MYOF: variants seen among roughly 807,000 people sequenced by gnomAD.
MYOF encodes fer-1-like 3, myoferlin.
Under a neutral mutation model 284.2 loss-of-function variants are expected in MYOF, and 244 were observed. The ratio of observed to expected loss-of-function variants is 0.86; its 90% confidence interval spans 0.77 to 0.95. MYOF has a LOEUF of 0.95. Among genes scored for constraint, MYOF ranks in the 40% least tolerant of loss-of-function variants. MYOF has a pLI of 0.00. For missense variants in MYOF, 2,496 were observed against 2,560.6 expected (o/e 0.97, Z 0.54); for synonymous variants, 904 against 919.7 (o/e 0.98, Z 0.31).
intron 41 of MYOF, among the ~76,000 whole-genome samples, chr10:93,335,160 T>C (rs1843536425): frequency 6.6e-6 from 1 of 151,864 alleles, no homozygotes; most frequent in Non-Finnish European, 1.5e-5. Context: ...AAAGAATGAG[T>C]AGGACTTCGT....
chr10:93,349,864 T>A lies in MYOF; in HGVS notation c.4027A>T (p.Ile1343Phe), dbSNP rs201952657. The stretch of plus-strand genomic sequence containing the variant: ...TTGGGTGTCTTCTTAAGGTTTTTGA[T>A]CACCACCGATTCCACCCTTTCTCCT... ...CGGERVESVV[I>F]KNLKKTPNFP... Residue 1343 changes from isoleucine to phenylalanine, a missense_variant, in exon 36 of 54, where the codon ATC becomes TTC. This residue lies in a region of MYOF where 2,436 missense variants were observed against 2,480.7 expected (regional missense o/e 0.98). Coordinates refer to ENST00000359263, the MANE Select transcript of MYOF (RefSeq NM_013451.4). The A allele has an allele frequency of 2.2e-5, 36 of 1,613,898 alleles. No individual in the cohort carries two copies. In the African/African-American group the frequency reaches 4.7e-4, roughly 21 times the overall value.
chr10:93,362,039 C>T (rs771751060), intron 27 of MYOF, among the ~76,000 whole-genome samples: 15 of 151,790 alleles, frequency 9.9e-5, no homozygotes, highest in Non-Finnish European at 1.8e-4. Flanking sequence ...ACCTCTGCCT[C>T]CTGGGTTCAA....
Position 93,432,715 on chromosome 10 carries a change from T to C in MYOF, c.237-1199A>G, listed in dbSNP as rs141179834. On this transcript the variant is annotated intron_variant, in intron 3 of 53. Transcript: ENST00000359263. ...TATCAGCCTCTGCCACTTACCCATC[T>C]ATCTCCTATCATACCTAACATATTG... 3.3e-5 allele frequency among the ~76,000 whole-genome samples: 5 copies of C among 152,288 alleles called. No individual in the cohort carries two copies. The East Asian group carries it at 9.7e-4, about 29-fold the overall frequency.
chr10:93,359,920 T>C lies in MYOF; in HGVS notation c.3033A>G (p.Ala1011=). ...PDHKPKSWVA[A]EKMYHTHRRR... is the part of the protein sequence containing the mutation. ...GTCTATGAGTGTGGTACATTTTCTC[T>C]GCTGCAACCCAGGATTTGGGCTTAT... Residue 1011 remains alanine, a synonymous_variant, in exon 29 of 54, where the codon GCA becomes GCG. Coordinates refer to ENST00000359263, the MANE Select transcript of MYOF (RefSeq NM_013451.4). 6.2e-7 allele frequency: 1 copy of C among 1,614,210 alleles called. No individual in the cohort carries two copies. Among genetic ancestry groups the C allele is most frequent in the Non-Finnish European group, 8.5e-7 (1 of 1,180,042 alleles).
chr10:93,328,458 T>C (rs893747478), intron 45 of MYOF, among the ~76,000 whole-genome samples: 1 of 152,214 alleles, frequency 6.6e-6, no homozygotes, highest in African/African-American at 2.4e-5. Context: ...ATTCCTGCAC[T>C]ACTGTATGGG....
At chr10:93,369,816 C>T (rs1257651746) in intron 24 of MYOF, 40 bp from the exon 25 acceptor site, 2 of 1,609,650 alleles carry the variant, frequency 1.2e-6, no homozygotes, top group South Asian at 1.1e-5. Context: ...ACATTAGGCA[C>T]AGCAAAGACT....
At chr10:93,347,370 G>C (rs1012524955) in intron 37 of MYOF, among the ~76,000 whole-genome samples, 1 of 150,386 alleles carries the variant, frequency 6.6e-6, no homozygotes, top group African/African-American at 2.5e-5. Flanking sequence ...GGCTAACAAG[G>C]TGAAACCCCG....
At chr10:93,444,404 T>C (rs1207864415) in intron 3 of MYOF, among the ~76,000 whole-genome samples, 1 of 152,196 alleles carries the variant, frequency 6.6e-6, no homozygotes, top group African/African-American at 2.4e-5. Context: ...TTTCAGATGG[T>C]GGTGAATGCT....
intron 37 of MYOF, 44 bp from the exon 38 acceptor site, chr10:93,343,976 A>G (rs1844053037): frequency 6.2e-7 from 1 of 1,604,444 alleles, no homozygotes; most frequent in Non-Finnish European, 8.5e-7. Context: ...TTAGAGAAAT[A>G]CAGTGGTGAA....
intron 28 of MYOF, 55 bp downstream of exon 28, chr10:93,361,397 G>C (rs576673288): frequency 6.4e-7 from 1 of 1,560,570 alleles, no homozygotes; most frequent in Non-Finnish European, 8.8e-7. Context: ...CTTTATCCTG[G>C]TTAACCAAGG....
chr10:93,394,448 CTTTTTTTTTTTTTTTT>C (rs33970988), intron 16 of MYOF, among the ~76,000 whole-genome samples: 1 of 28,682 alleles, frequency 3.5e-5, no homozygotes, highest in Non-Finnish European at 6.5e-5. Context: ...ACCATCTTGT[CTTTTTTTTTTTTTTTT>C]TTTTTTTTTT....
chr10:93,474,060 G>T (rs1180405122), intron 1 of MYOF, among the ~76,000 whole-genome samples: 2 of 152,146 alleles, frequency 1.3e-5, no homozygotes, highest in Non-Finnish European at 2.9e-5. Context: ...ACAGTACAGT[G>T]TGAGGAAGGA....
Position 93,325,825 on chromosome 10 carries a change from C to T in MYOF, c.5271+1G>A, listed in dbSNP as rs768267243. Reference sequence around the variant, plus strand: ...TCTTCAAGGGAGGGAAGGCCCTTTACCTGGGAAATGTTGGGCTGGAAGGTG... The same window carrying T: ...TCTTCAAGGGAGGGAAGGCCCTTTATCTGGGAAATGTTGGGCTGGAAGGTG... On this transcript the variant is annotated splice_donor_variant, in intron 46 of 53. Coordinates refer to ENST00000359263, the MANE Select transcript of MYOF (RefSeq NM_013451.4). LOFTEE classifies it high-confidence loss of function. 7 of 1,611,324 alleles carry T rather than the reference C, an allele frequency of 4.3e-6. No homozygotes were observed. The African/African-American group carries it at 6.7e-5, about 15-fold the overall frequency.
At chr10:93,374,994 G>T (rs1330376216) in intron 22 of MYOF, 39 bp from the exon 23 acceptor site, 2 of 1,579,766 alleles carry the variant, frequency 1.3e-6, no homozygotes, top group African/African-American at 2.7e-5. Context: ...AGGATTTGAA[G>T]AATAACCTAA....
At position 93,369,794 on chromosome 10, in the gene MYOF, G is replaced by A; in HGVS notation, c.2458-18C>T. The A allele has an allele frequency of 6.2e-7, 1 of 1,613,996 alleles. No individual in the cohort carries two copies. The highest frequency in any genetic ancestry group is 8.5e-7 in the Non-Finnish European group (1 of 1,179,962). On this transcript the variant is annotated intron_variant, in intron 24 of 53. Coordinates refer to ENST00000359263, the MANE Select transcript of MYOF (RefSeq NM_013451.4). The stretch of plus-strand genomic sequence containing the variant: ...TGTGGATACTGTGAGATGAACAATA[G>A]CATGTGATGTTACATTAGGCACAGC...
chr10:93,411,350 T>C (rs1847891971), intron 5 of MYOF, among the ~76,000 whole-genome samples: 2 of 152,216 alleles, frequency 1.3e-5, no homozygotes, highest in South Asian at 4.1e-4. Context: ...CCTCCCATGA[T>C]GGAAGAAGCA....
intron 1 of MYOF, chr10:93,478,276 T>C (rs943099239): frequency 7.7e-6 from 2 of 260,664 alleles, no homozygotes; most frequent in African/African-American, 2.3e-5. Context: ...TAGATTCAGC[T>C]TCACAGCCTG....
intron 44 of MYOF, among the ~76,000 whole-genome samples, chr10:93,329,165 G>A (rs1843188758): frequency 6.6e-6 from 1 of 152,216 alleles, no homozygotes; most frequent in South Asian, 2.1e-4. Context: ...TAAAAGTGAG[G>A]AGTTGAGATC....
chr10:93,373,058 T>C lies in MYOF; in HGVS notation c.2329A>G (p.Ile777Val). 1 of 1,614,164 alleles carries C rather than the reference T, an allele frequency of 6.2e-7. No individual in the cohort carries two copies. ...EPQNSMPDII[I>V]WMIRGEKRLA... The stretch of plus-strand genomic sequence containing the variant: ...CTCTTCTCTCCCCGGATCATCCAGA[T>C]GATGATGTCAGGCATGCTGTTCTGT... Residue 777 changes from isoleucine to valine, a missense_variant, in exon 24 of 54, where the codon ATC (isoleucine) becomes GTC (valine). Ile to Val is a conservative substitution (Grantham distance 29). This residue lies in a region of MYOF where 2,436 missense variants were observed against 2,480.7 expected (regional missense o/e 0.98). Coordinates refer to ENST00000359263, the MANE Select transcript of MYOF (RefSeq NM_013451.4).
Sources: gnomAD v4.1 joint callset for allele counts (sites outside exome capture counted in the v4.1 genomes callset) on GRCh38, gnomAD v4.1.1 for gene constraint, gnomAD v4.1.1 regional missense constraint, MANE v1.5 for transcripts, NCBI Gene and HGNC (gene_info 2026-07-23, HGNC 2026-07-21) for gene names.